GDAP1: variants seen among roughly 807,000 people sequenced by gnomAD.
GDAP1 encodes ganglioside induced differentiation associated protein 1, also known as ganglioside-induced differentiation-associated protein 1.
Under a neutral mutation model 40.1 loss-of-function variants are expected in GDAP1, and 34 were observed. The ratio of observed to expected loss-of-function variants is 0.85; its 90% confidence interval spans 0.64 to 1.13. The LOEUF (loss-of-function observed/expected upper bound fraction) is 1.13. Among genes scored for constraint, GDAP1 ranks in the 50% most tolerant of loss-of-function variants. The pLI is 0.00. For missense variants in GDAP1, 374 were observed against 433.7 expected, an observed-to-expected ratio of 0.86 and a Z score of 1.22; for synonymous variants, 170 against 157.4, an observed-to-expected ratio of 1.08 and a Z score of -0.60.
exon 3 of GDAP1, chr8:74,488,793 C>T (rs1040433564): frequency 6.6e-6 from 1 of 152,126 alleles, no homozygotes; most frequent in African/African-American, 2.4e-5. Flanking sequence ...GATCTGGCAC[C>T]TGCCAGTTGG....
intron 2 of GDAP1, among the ~76,000 whole-genome samples, chr8:74,482,028 G>A (rs1243887988): frequency 1.3e-5 from 2 of 151,504 alleles, no homozygotes; most frequent in Non-Finnish European, 2.9e-5. Context: ...GAGGTGGAAT[G>A]GGGATAAAGG....
intron 2 of GDAP1, among the ~76,000 whole-genome samples, chr8:74,429,195 G>A (rs909432439): frequency 6.6e-6 from 1 of 152,038 alleles, no homozygotes; most frequent in African/African-American, 2.4e-5. Flanking sequence ...GTGTCTTTAT[G>A]GCAGCATGAT....
chr8:74,478,619 A>C (rs1439852927), intron 2 of GDAP1, among the ~76,000 whole-genome samples: 1 of 152,116 alleles, frequency 6.6e-6, no homozygotes, highest in African/African-American at 2.4e-5. Context: ...GTTCAGATCT[A>C]ACTTTTCCCC....
chr8:74,419,627 CT>C (rs1166945209), intron 2 of GDAP1, among the ~76,000 whole-genome samples: 2 of 152,092 alleles, frequency 1.3e-5, no homozygotes, highest in Admixed American at 6.5e-5. Flanking sequence ...GTTGCCTTTT[CT>C]TGATAATGTC....
At chr8:74,449,343 T>G (rs1340818469) in intron 2 of GDAP1, among the ~76,000 whole-genome samples, 3 of 151,938 alleles carry the variant, frequency 2.0e-5, no homozygotes, top group Non-Finnish European at 4.4e-5. Context: ...TAAATATAAT[T>G]CTCATTGTCA....
chr8:74,382,795 T>A (rs1809973890), intron 2 of GDAP1, among the ~76,000 whole-genome samples: 1 of 152,126 alleles, frequency 6.6e-6, no homozygotes, highest in Non-Finnish European at 1.5e-5. Flanking sequence ...TCCCTGAGTA[T>A]GTATCAGCTT....
At chr8:74,480,512 G>A (rs1373390166) in intron 2 of GDAP1, among the ~76,000 whole-genome samples, 1 of 152,188 alleles carries the variant, frequency 6.6e-6, no homozygotes, top group Non-Finnish European at 1.5e-5. Flanking sequence ...GCAAGTGAGA[G>A]GAAATGAGGA....
At chr8:74,423,399 CAT>C (rs938668708) in intron 2 of GDAP1, among the ~76,000 whole-genome samples, 30 of 144,642 alleles carry the variant, frequency 2.1e-4, no homozygotes, top group African/African-American at 3.8e-4. Context: ...GTATATTATA[CAT>C]ATATATAATA....
At chr8:74,376,439 C>T (rs1172542804) in intron 2 of GDAP1, among the ~76,000 whole-genome samples, 2 of 150,326 alleles carry the variant, frequency 1.3e-5, no homozygotes, top group Non-Finnish European at 2.9e-5. Context: ...AGCTCTGCCT[C>T]CCGGGTTCAC....
At chr8:74,442,731 G>C (rs1169247279) in intron 2 of GDAP1, among the ~76,000 whole-genome samples, 1 of 152,146 alleles carries the variant, frequency 6.6e-6, no homozygotes, top group Non-Finnish European at 1.5e-5. Flanking sequence ...TGTAAAGACT[G>C]AATATATAAA....
intron 2 of GDAP1, among the ~76,000 whole-genome samples, chr8:74,376,535 G>C (rs1390131645): frequency 6.6e-6 from 1 of 152,068 alleles, no homozygotes; most frequent in Non-Finnish European, 1.5e-5. Flanking sequence ...TTTTTTAGTA[G>C]AGACAGGGTT....
At chr8:74,466,333 A>G (rs975648404) in intron 2 of GDAP1, among the ~76,000 whole-genome samples, 1 of 152,210 alleles carries the variant, frequency 6.6e-6, no homozygotes, top group African/African-American at 2.4e-5. Context: ...GGAGGGTTTT[A>G]GGGAAACGTG....
intron 2 of GDAP1, among the ~76,000 whole-genome samples, chr8:74,426,834 A>G (rs1279840160): frequency 1.3e-5 from 2 of 152,206 alleles, no homozygotes; most frequent in Non-Finnish European, 2.9e-5. Context: ...AAATACATAC[A>G]AAATAACTGC....
intron 2 of GDAP1, among the ~76,000 whole-genome samples, chr8:74,477,149 T>C (rs1178068431): frequency 6.6e-6 from 1 of 152,212 alleles, no homozygotes; most frequent in Non-Finnish European, 1.5e-5. Context: ...AGTTACATTC[T>C]TTTCTCTACT....
chr8:74,410,085 T>G (rs1805690262), intron 2 of GDAP1, among the ~76,000 whole-genome samples: 1 of 149,918 alleles, frequency 6.7e-6, no homozygotes, highest in South Asian at 2.1e-4. Flanking sequence ...CTAAAGATAA[T>G]GGAGAGAGAT....
In GDAP1 at chr8:74,403,538, A is replaced by T. The variant is rs150945616; in HGVS notation, c.165+52217A>T. ...TCTTTTCTAAACAAGCTGGCCAAAT[A>T]TTTATAAGTTTTACACACTTAACGT... On this transcript the variant is annotated intron_variant, in intron 2 of 2. Coordinates refer to the GDAP1 transcript ENST00000523640. Among the ~76,000 whole-genome samples, 110 of 150,432 alleles carry T rather than the reference A, an allele frequency of 7.3e-4. 15 individuals carry two copies. The highest frequency in any genetic ancestry group is 2.5e-3 in the African/African-American group (101 of 39,704).
At chr8:74,417,354 A>G (rs1281351036) in intron 2 of GDAP1, among the ~76,000 whole-genome samples, 1 of 150,156 alleles carries the variant, frequency 6.7e-6, no homozygotes, top group Non-Finnish European at 1.5e-5. Context: ...AACAAATGCT[A>G]TTCAACATTA....
At chr8:74,395,866 G>GA (rs1204166140) in intron 2 of GDAP1, among the ~76,000 whole-genome samples, 1 of 152,100 alleles carries the variant, frequency 6.6e-6, no homozygotes, top group African/African-American at 2.4e-5. Flanking sequence ...CAGTAAGATG[G>GA]AAAAATGGGT....
intron 2 of GDAP1, among the ~76,000 whole-genome samples, chr8:74,468,874 C>T (rs1219857094): frequency 3.3e-5 from 5 of 152,032 alleles, no homozygotes; most frequent in East Asian, 3.9e-4. Flanking sequence ...TTTTCTTCTC[C>T]TGTTGTCTTT....
Sources: allele counts gnomAD v4.1 joint callset (sites outside exome capture counted in the v4.1 genomes callset), GRCh38; gene constraint gnomAD v4.1.1; transcripts MANE v1.5; gene names NCBI Gene and HGNC (gene_info 2026-07-23, HGNC 2026-07-21).